Variants in ZKSCAN2 observed in about 807,000 individuals in gnomAD.
The protein encoded by ZKSCAN2 is zinc finger with KRAB and SCAN domains 2.
ZKSCAN2 carries 38 observed loss-of-function variants against 90.5 expected under a neutral mutation model. That is an observed-to-expected ratio of 0.42 (90% CI 0.32 to 0.55). The LOEUF is 0.55. ZKSCAN2 is among the 20% of genes least tolerant of loss of function. The pLI, the probability that ZKSCAN2 is intolerant of heterozygous loss-of-function variation, is 0.11. For synonymous variants in ZKSCAN2, 429 were observed against 421.6 expected (o/e 1.02, Z -0.22); for missense variants, 1,167 against 1,202.6 (o/e 0.97, Z 0.44).
Position 25,240,682 on chromosome 16 carries a change from T to G in ZKSCAN2, c.2038A>C (p.Met680Leu). Residue 680 changes from methionine (M) to leucine (L), a missense_variant, in exon 7 of 7, where the codon ATG (methionine) becomes CTG (leucine). Met to Leu is a conservative substitution (Grantham distance 15). Transcript: ENST00000328086. ...EDPTQIVYKD[M>L]EQHRALIEKS... is the part of the protein sequence containing the mutation. ...TCTATTAATGCCCTATGCTGTTCCATGTCCTTATATACTATCTGTGTTGGA... is the reference window on the plus strand; with the variant it reads ...TCTATTAATGCCCTATGCTGTTCCAGGTCCTTATATACTATCTGTGTTGGA... 1 of 1,614,200 alleles carries G rather than the reference T, an allele frequency of 6.2e-7. No homozygotes were observed. The highest frequency in any genetic ancestry group is 1.1e-5 in the South Asian group (1 of 91,070).
At chr16:25,253,419 T>C (rs1963050056) in intron 2 of ZKSCAN2, among the ~76,000 whole-genome samples, 1 of 147,212 alleles carries the variant, frequency 6.8e-6, no homozygotes. Flanking sequence ...CCTTTCCCCC[T>C]CCCTTCCCTT....
intron 5 of ZKSCAN2, among the ~76,000 whole-genome samples, chr16:25,245,430 C>T (rs945250769): frequency 6.6e-6 from 1 of 152,258 alleles, no homozygotes; most frequent in South Asian, 2.1e-4. Context: ...TGGGTTTAGT[C>T]ATGGATACAT....
intron 6 of ZKSCAN2, among the ~76,000 whole-genome samples, chr16:25,243,072 C>T (rs748902770): frequency 1.3e-5 from 2 of 152,246 alleles, no homozygotes; most frequent in Admixed American, 6.5e-5. Context: ...AGAATAAAGT[C>T]TTTTATTTAG....
In ZKSCAN2 at chr16:25,244,141, C is replaced by A. The variant is rs1347602407; in HGVS notation, c.1625G>T (p.Gly542Val). Residue 542 changes from glycine to valine, a missense_variant, in exon 6 of 7, where the codon GGC (glycine) becomes GTC (valine). By Grantham distance (109) the Gly-to-Val change is moderately radical (BLOSUM62 -3). Transcript: ENST00000328086. ...GCACTGTTCTGGTGTCCGGAGGAAGCCGCACTCTCGAAGCTGTTCAGCTAC... is the reference window on the plus strand; with the variant it reads ...GCACTGTTCTGGTGTCCGGAGGAAGACGCACTCTCGAAGCTGTTCAGCTAC... ...GAVAEQLREC[G>V]FLRTPEQCRT... 6.2e-7 allele frequency: 1 copy of A among 1,614,186 alleles called. No homozygotes were observed. The highest frequency in any genetic ancestry group is 1.7e-5 in the Admixed American group (1 of 60,020).
At chr16:25,251,084 T>G (rs1391325424) in intron 4 of ZKSCAN2, among the ~76,000 whole-genome samples, 1 of 152,062 alleles carries the variant, frequency 6.6e-6, no homozygotes, top group Non-Finnish European at 1.5e-5. Flanking sequence ...TAAATAAATA[T>G]TAAATTTATT....
chr16:25,248,989 G>T (rs550997440), intron 4 of ZKSCAN2, among the ~76,000 whole-genome samples: 1 of 152,134 alleles, frequency 6.6e-6, no homozygotes, highest in Non-Finnish European at 1.5e-5. Context: ...CAACAACATG[G>T]ACGAACATGG....
intron 4 of ZKSCAN2, among the ~76,000 whole-genome samples, chr16:25,251,359 T>C (rs1305343065): frequency 6.6e-6 from 1 of 152,162 alleles, no homozygotes; most frequent in African/African-American, 2.4e-5. Flanking sequence ...GACTTCACAT[T>C]TGAAAATTAT....
chr16:25,250,396 A>G (rs577191705), intron 4 of ZKSCAN2, among the ~76,000 whole-genome samples: 6 of 152,228 alleles, frequency 3.9e-5, no homozygotes, highest in Non-Finnish European at 8.8e-5. Flanking sequence ...GAACACAAAT[A>G]TGATCTCACT....
At chr16:25,255,596 T>C (rs1294344983) in intron 1 of ZKSCAN2, among the ~76,000 whole-genome samples, 1 of 152,230 alleles carries the variant, frequency 6.6e-6, no homozygotes, top group Non-Finnish European at 1.5e-5. Context: ...TGTTCTTTTT[T>C]CTGAGACAGA....
Position 25,253,049 on chromosome 16 carries a change from G to C in ZKSCAN2, c.587-12C>G, listed in dbSNP as rs758150658. 6.2e-6 allele frequency: 10 copies of C among 1,603,718 alleles called. No individual in the cohort carries two copies. The highest frequency in any genetic ancestry group is 1.7e-5 in the Admixed American group (1 of 60,002). On this transcript the variant is annotated splice_polypyrimidine_tract_variant and intron_variant, in intron 2 of 6. Coordinates refer to ENST00000328086, the MANE Select transcript of ZKSCAN2 (RefSeq NM_001012981.5). Reference sequence around the variant, plus strand: ...GGGAGAAGGCCGAGCTGTAAGAATAGAAAGAAACGATTAGTAATCTGGGCT... The same window carrying C: ...GGGAGAAGGCCGAGCTGTAAGAATACAAAGAAACGATTAGTAATCTGGGCT...
rs539527999 is a variant in ZKSCAN2 at position 25,244,062 on chromosome 16, G to A, written c.1704C>T (p.His568=). The A allele has an allele frequency of 2.4e-5, 38 of 1,614,154 alleles. No individual in the cohort carries two copies. The highest frequency in any genetic ancestry group is 1.6e-4 in the Middle Eastern group (1 of 6,062). ...QKSYRKVKNG[H]VLESCAFYKE... Reference sequence around the variant, plus strand: ...TGTAGAACGCGCAGGACTCTAGCACGTGGCCATTTTTCACCTTGCGGTAAC... The same window carrying A: ...TGTAGAACGCGCAGGACTCTAGCACATGGCCATTTTTCACCTTGCGGTAAC... The change falls in exon 6 of 7, where the codon CAC becomes CAT. Residue 568 remains histidine, a synonymous_variant. Transcript: ENST00000328086.
rs1185427985 is a variant in ZKSCAN2 at position 25,239,808 on chromosome 16, G to A, written c.*8C>T. The A allele has an allele frequency of 6.4e-7, 1 of 1,564,174 alleles. No individual in the cohort carries two copies. The highest frequency in any genetic ancestry group is 1.4e-5 in the African/African-American group (1 of 73,002). ...GCTAAGGGGGCATTTAGGAAGAGAAGATCATCATCAAAAAGTTTTCCTAAA... is the reference window on the plus strand; with the variant it reads ...GCTAAGGGGGCATTTAGGAAGAGAAAATCATCATCAAAAAGTTTTCCTAAA... On this transcript the variant is annotated 3_prime_UTR_variant, in exon 7 of 7. Transcript: ENST00000328086.
intron 5 of ZKSCAN2, among the ~76,000 whole-genome samples, chr16:25,246,001 A>G (rs1038718003): frequency 6.6e-6 from 1 of 152,196 alleles, no homozygotes; most frequent in Non-Finnish European, 1.5e-5. Flanking sequence ...CACAGTTATT[A>G]ATTGGCGATT....
intron 5 of ZKSCAN2, 128 bp downstream of exon 5, chr16:25,246,579 C>T (rs1962936163): frequency 2.1e-6 from 2 of 934,420 alleles, no homozygotes; most frequent in South Asian, 1.5e-5. Context: ...GTGATGTGGC[C>T]ACACCACAGT....
rs138947793 is a variant in ZKSCAN2, at chr16:25,254,533, A to T, written c.586+673T>A. ...TTTTTGACTTATTTATAGTCAGCCA[A>T]GAGCACATACACATGGCAGGACTGA... On this transcript the variant is annotated intron_variant, in intron 2 of 6. Coordinates refer to ENST00000328086, the MANE Select transcript of ZKSCAN2 (RefSeq NM_001012981.5). Among the ~76,000 whole-genome samples, 36 of 152,366 alleles carry T rather than the reference A, an allele frequency of 2.4e-4. 1 individual carries two copies. The East Asian group carries it at 6.2e-3, about 26-fold the overall frequency.
In ZKSCAN2 at chr16:25,239,944, T is replaced by G; in HGVS notation, c.2776A>C (p.Lys926Gln). 1 of 1,614,204 alleles carries G rather than the reference T, an allele frequency of 6.2e-7. No individual in the cohort carries two copies. Among genetic ancestry groups the G allele is most frequent in the East Asian group, 2.2e-5 (1 of 44,882 alleles). ...CGATGTTTGGTAAGAACAGAACTCT[T>G]ACTGAAACGTTTGCCACACTGGGCA... ...GCAQCGKRFS[K>Q]SSVLTKHREV... The change falls in exon 7 of 7, where the codon AAG (lysine) becomes CAG (glutamine). Residue 926 changes from lysine (K) to glutamine (Q), a missense_variant. Physicochemically the swap from Lys to Gln is moderately conservative, Grantham distance 53. Transcript: ENST00000328086.
rs772825288 is a variant in ZKSCAN2, at chr16:25,256,941, A to C, written c.187T>G (p.Phe63Val). Reference sequence around the variant, plus strand: ...CAGCAAAGTTCCCAGAGTTTACTGAAAGCTTCATGGGGTCCAGTCACATCC... The same window carrying C: ...CAGCAAAGTTCCCAGAGTTTACTGACAGCTTCATGGGGTCCAGTCACATCC... ...YEDVTGPHEA[F>V]SKLWELCCRW... The change falls in exon 1 of 7, where the codon TTC (phenylalanine) becomes GTC (valine). Residue 63 changes from phenylalanine (F) to valine (V), a missense_variant. Physicochemically the swap from Phe to Val is conservative, Grantham distance 50 (BLOSUM62 -1). Coordinates refer to ENST00000328086, the MANE Select transcript of ZKSCAN2 (RefSeq NM_001012981.5). 6.2e-7 allele frequency: 1 copy of C among 1,614,196 alleles called. No individual in the cohort carries two copies. The highest frequency in any genetic ancestry group is 2.2e-5 in the East Asian group (1 of 44,884).
chr16:25,253,746 G>T (rs994610141), intron 2 of ZKSCAN2, among the ~76,000 whole-genome samples: 3 of 152,190 alleles, frequency 2.0e-5, no homozygotes, highest in African/African-American at 7.2e-5. Context: ...GGTGGCTCAC[G>T]CCTGTAATCC....
intron 1 of ZKSCAN2, 66 bp from the exon 2 acceptor site, chr16:25,255,458 A>G (rs1963087034): frequency 8.0e-6 from 12 of 1,498,852 alleles, no homozygotes; most frequent in Non-Finnish European, 1.1e-5. Flanking sequence ...AAATTCTCCC[A>G]GGAAAGACAT....
Sources: gnomAD v4.1 joint callset for allele counts (sites outside exome capture counted in the v4.1 genomes callset) on GRCh38, gnomAD v4.1.1 for gene constraint, MANE v1.5 for transcripts, NCBI Gene and HGNC (gene_info 2026-07-23, HGNC 2026-07-21) for gene names.